WWOX: variants seen among roughly 807,000 people sequenced by gnomAD.
WWOX encodes the protein WW domain-containing oxidoreductase.
In WWOX, 69 loss-of-function variants were observed where a neutral mutation model predicts 46.2. The ratio of observed to expected loss-of-function variants is 1.49; its 90% CI spans 1.23 to 1.82. WWOX has a LOEUF of 1.82. WWOX is among the 40% of genes most tolerant of loss of function. The pLI, the probability that WWOX is intolerant of heterozygous loss-of-function variation, is 0.00. For missense variants in WWOX, 919 were observed against 542.6 expected (o/e 1.69, Z -6.89); for synonymous variants, 359 against 202.6 (o/e 1.77, Z -6.56).
intron 8 of WWOX, among the ~76,000 whole-genome samples, chr16:79,062,483 G>A (rs906227489): frequency 6.6e-6 from 1 of 152,172 alleles, no homozygotes; most frequent in Non-Finnish European, 1.5e-5. Flanking sequence ...GTAAATCACA[G>A]TGCAAACTAT....
intron 8 of WWOX, among the ~76,000 whole-genome samples, chr16:79,050,502 C>G (rs2048146180): frequency 6.6e-6 from 1 of 152,138 alleles, no homozygotes; most frequent in African/African-American, 2.4e-5. Flanking sequence ...ACACTGATGC[C>G]CCAAATAAAT....
intron 8 of WWOX, among the ~76,000 whole-genome samples, chr16:78,656,307 C>T (rs536420547): frequency 3.3e-5 from 5 of 152,180 alleles, no homozygotes; most frequent in South Asian, 2.1e-4. Context: ...ACATGCATGT[C>T]CTTTCTCTGT....
chr16:79,152,244 T>C (rs753796545), intron 8 of WWOX, among the ~76,000 whole-genome samples: 4 of 152,070 alleles, frequency 2.6e-5, no homozygotes, highest in Non-Finnish European at 5.9e-5. Flanking sequence ...GAACGGGTGA[T>C]GGATGAGGCA....
In WWOX at chr16:78,362,375, C is replaced by T. The variant is rs555863557; in HGVS notation, c.517-24485C>T. Among the ~76,000 whole-genome samples the T allele has an allele frequency of 4.6e-5, 7 of 152,258 alleles. No individual in the cohort carries two copies. In the East Asian group the frequency reaches 1.4e-3, roughly 29 times the overall value. ...CTGTAATCCCAGCACTTTGGAAGGC[C>T]AATGCGGGTGGATCACCTGATGATA... On this transcript the variant is annotated intron_variant, in intron 5 of 8. Coordinates refer to ENST00000566780, the MANE Select transcript of WWOX (RefSeq NM_016373.4).
chr16:79,067,190 G>T (rs936515778), intron 8 of WWOX, among the ~76,000 whole-genome samples: 1 of 152,180 alleles, frequency 6.6e-6, no homozygotes, highest in Non-Finnish European at 1.5e-5. Context: ...CTCTGGGTGA[G>T]ATCTGTCTTT....
chr16:78,108,788 G>T (rs1673611609), intron 2 of WWOX, among the ~76,000 whole-genome samples: 1 of 152,234 alleles, frequency 6.6e-6, no homozygotes, highest in Non-Finnish European at 1.5e-5. Flanking sequence ...AGGAGTTTGA[G>T]ACTAGCCTGG....
intron 8 of WWOX, among the ~76,000 whole-genome samples, chr16:78,863,147 G>C (rs2151194118): frequency 6.6e-6 from 1 of 151,944 alleles, no homozygotes; most frequent in East Asian, 2.0e-4. Flanking sequence ...TAATAGAGAT[G>C]GGGTTTCACC....
intron 8 of WWOX, among the ~76,000 whole-genome samples, chr16:78,611,117 A>G (rs557035188): frequency 6.6e-6 from 1 of 152,320 alleles, no homozygotes; most frequent in African/African-American, 2.4e-5. Flanking sequence ...CATAATGACA[A>G]GTTGTTCATC....
chr16:79,091,695 CT>C (rs535556225), intron 8 of WWOX, among the ~76,000 whole-genome samples: 65 of 151,952 alleles, frequency 4.3e-4, no homozygotes, highest in Non-Finnish European at 7.9e-4. Flanking sequence ...AGCAGCTCGC[CT>C]AAGGACTTTG....
intron 5 of WWOX, among the ~76,000 whole-genome samples, chr16:78,175,815 A>G (rs1228561622): frequency 1.3e-5 from 2 of 152,342 alleles, no homozygotes; most frequent in East Asian, 3.9e-4. Flanking sequence ...GTAGCGGTAG[A>G]TAACTATCAC....
chr16:79,092,703 C>T (rs996952266), intron 8 of WWOX, among the ~76,000 whole-genome samples: 1 of 152,184 alleles, frequency 6.6e-6, no homozygotes. Context: ...CTTTCATGGA[C>T]ATAATTTCCC....
intron 8 of WWOX, among the ~76,000 whole-genome samples, chr16:78,561,239 G>T (rs190527424): frequency 6.6e-6 from 1 of 150,730 alleles, no homozygotes; most frequent in South Asian, 2.1e-4. Flanking sequence ...CTTGTGCATG[G>T]AGTCCCCTCC....
chr16:78,622,589 AGATG>A, intron 8 of WWOX, among the ~76,000 whole-genome samples: 1 of 151,656 alleles, frequency 6.6e-6, no homozygotes, highest in African/African-American at 2.4e-5. Flanking sequence ...TCTGTTTGAC[AGATG>A]GACCCTAAGA....
At chr16:78,916,176 C>G (rs573760392) in intron 8 of WWOX, among the ~76,000 whole-genome samples, 7 of 152,322 alleles carry the variant, frequency 4.6e-5, no homozygotes, top group Non-Finnish European at 1.0e-4. Flanking sequence ...CCTAAACACG[C>G]TGCACAAGGA....
chr16:78,875,369 A>G (rs2044214667), intron 8 of WWOX, among the ~76,000 whole-genome samples: 1 of 152,332 alleles, frequency 6.6e-6, no homozygotes, highest in South Asian at 2.1e-4. Flanking sequence ...CTCCCAGTAT[A>G]TAAGACATTT....
intron 8 of WWOX, among the ~76,000 whole-genome samples, chr16:78,995,175 T>G (rs900594573): frequency 6.6e-6 from 1 of 152,034 alleles, no homozygotes; most frequent in African/African-American, 2.4e-5. Context: ...AAAAGTATCT[T>G]CCAAGCTCAG....
At chr16:78,558,130 CT>C (rs1228549944) in intron 8 of WWOX, among the ~76,000 whole-genome samples, 3 of 152,090 alleles carry the variant, frequency 2.0e-5, no homozygotes, top group Non-Finnish European at 4.4e-5. Flanking sequence ...GAGAGGTTTG[CT>C]TTCACTCCTG....
chr16:78,643,846 C>A (rs1475207104), intron 8 of WWOX, among the ~76,000 whole-genome samples: 1 of 148,576 alleles, frequency 6.7e-6, no homozygotes, highest in Non-Finnish European at 1.5e-5. Context: ...AAAAAACTTT[C>A]TTCCCAGCCT....
At chr16:79,124,005 C>T (rs1208058356) in intron 8 of WWOX, among the ~76,000 whole-genome samples, 1 of 152,152 alleles carries the variant, frequency 6.6e-6, no homozygotes, top group Non-Finnish European at 1.5e-5. Context: ...GCTAAATAAA[C>T]TCTGCCTTCT....
Sources: allele counts gnomAD v4.1 joint callset (sites outside exome capture counted in the v4.1 genomes callset), GRCh38; gene constraint gnomAD v4.1.1; transcripts MANE v1.5; gene names NCBI Gene and HGNC (gene_info 2026-07-23, HGNC 2026-07-21).